GPATCH8: variants seen among roughly 807,000 people sequenced by gnomAD.
The protein encoded by GPATCH8 is G patch domain-containing protein 8.
In GPATCH8, 18 loss-of-function variants were observed where a neutral mutation model predicts 118.3. That is an observed-to-expected ratio of 0.15 (90% confidence interval 0.11 to 0.23). The LOEUF is 0.23. Ranked by LOEUF, GPATCH8 falls within the 10% of genes least tolerant of loss-of-function variation. GPATCH8 has a pLI of 1.00. For synonymous variants in GPATCH8, 659 were observed against 684.7 expected (o/e 0.96, Z 0.59); for missense variants, 1,631 against 1,873.8 (o/e 0.87, Z 2.39).
At position 44,400,438 on chromosome 17, in the gene GPATCH8, T is replaced by C. The variant is rs765739061; in HGVS notation, c.1639A>G (p.Thr547Ala). 5 of 1,614,208 alleles carry C rather than the reference T, an allele frequency of 3.1e-6. No individual in the cohort carries two copies. Among genetic ancestry groups the C allele is most frequent in the Middle Eastern group, 1.6e-4 (1 of 6,062 alleles). Residue 547 changes from threonine to alanine, a missense_variant, in exon 8 of 8, where the codon ACT becomes GCT. By Grantham distance (58) the Thr-to-Ala change is moderately conservative (BLOSUM62 0). Around this residue, in one of 8 missense-constraint regions of GPATCH8, gnomAD observed 405 missense variants for 462.7 expected, o/e 0.88. Coordinates refer to ENST00000591680, the MANE Select transcript of GPATCH8 (RefSeq NM_001002909.4). ...AGTTCTGATGGCCACTGGAGGGCAG[T>C]GCTTTCATCTTTGCTCAAAACTGGG... ...FFPVLSKDES[T>A]ALQWPSELLI... is the part of the protein sequence containing the mutation.
Position 44,398,090 on chromosome 17 carries a change from T to C in GPATCH8, c.3987A>G (p.Gln1329=), listed in dbSNP as rs752310268. ...KYSKLQQAAQ[Q]HIQQQLLAKQ... Reference sequence around the variant, plus strand: ...TGGCCAGAAGCTGCTGCTGGATGTGTTGCTGAGCAGCCTGCTGGAGCTTGC... The same window carrying C: ...TGGCCAGAAGCTGCTGCTGGATGTGCTGCTGAGCAGCCTGCTGGAGCTTGC... The change falls in exon 8 of 8, where the codon CAA becomes CAG. Residue 1329 remains glutamine, a synonymous_variant. Coordinates refer to ENST00000591680, the MANE Select transcript of GPATCH8 (RefSeq NM_001002909.4). 13 of 1,613,974 alleles carry C rather than the reference T, an allele frequency of 8.1e-6. No individual in the cohort carries two copies. In the Admixed American group the frequency reaches 1.3e-4, roughly 17 times the overall value.
At chr17:44,435,964 G>T (rs1273886275) in intron 4 of GPATCH8, among the ~76,000 whole-genome samples, 1 of 147,344 alleles carries the variant, frequency 6.8e-6, no homozygotes, top group East Asian at 2.0e-4. Context: ...GGGAGACGGA[G>T]GTTGCAGTGA....
intron 1 of GPATCH8, among the ~76,000 whole-genome samples, chr17:44,491,639 G>A (rs1162116876): frequency 2.0e-5 from 3 of 152,070 alleles, no homozygotes; most frequent in African/African-American, 7.2e-5. Flanking sequence ...CTAGAGGCAA[G>A]GAGTTCAAGA....
chr17:44,399,897 G>A lies in GPATCH8; in HGVS notation c.2180C>T (p.Ser727Phe), dbSNP rs1328637498. Residue 727 changes from serine to phenylalanine, a missense_variant, in exon 8 of 8, where the codon TCT (serine) becomes TTT (phenylalanine). By Grantham distance (155) the Ser-to-Phe change is radical. Transcript: ENST00000591680. ...KKNKSSAPAD[S>F]ERGPKPEPPG... ...GGGTTCTGGTTTGGGTCCTCGTTCA[G>A]AATCTGCTGGGGCTGATGACTTATT... is the stretch of plus-strand genomic sequence containing the variant. The A allele has an allele frequency of 6.2e-7, 1 of 1,613,936 alleles. No homozygotes were observed. Among genetic ancestry groups the A allele is most frequent in the Non-Finnish European group, 8.5e-7 (1 of 1,179,992 alleles).
chr17:44,429,226 C>T (rs116456884), intron 5 of GPATCH8, among the ~76,000 whole-genome samples: 1,862 of 152,162 alleles, frequency 0.012, 33 homozygotes, highest in African/African-American at 0.037. Flanking sequence ...GTAATATGCA[C>T]AACATATATC....
At chr17:44,450,386 T>C (rs570832128) in intron 3 of GPATCH8, among the ~76,000 whole-genome samples, 1 of 152,336 alleles carries the variant, frequency 6.6e-6, no homozygotes, top group East Asian at 1.9e-4. Flanking sequence ...CACCACTTGC[T>C]ATTGTCTCAC....
intron 1 of GPATCH8, among the ~76,000 whole-genome samples, chr17:44,499,517 A>G (rs1969905456): frequency 6.6e-6 from 1 of 152,228 alleles, no homozygotes; most frequent in Non-Finnish European, 1.5e-5. Context: ...CGGAACACGA[A>G]TCATCAGTCC....
At position 44,398,529 on chromosome 17, in the gene GPATCH8, C is replaced by T; in HGVS notation, c.3548G>A (p.Gly1183Glu). The T allele has an allele frequency of 6.3e-7, 1 of 1,593,710 alleles. No individual in the cohort carries two copies. The highest frequency in any genetic ancestry group is 8.5e-7 in the Non-Finnish European group (1 of 1,171,322). The change falls in exon 8 of 8, where the codon GGG becomes GAG. Residue 1183 changes from glycine (G) to glutamate (E), a missense_variant. Physicochemically the swap from Gly to Glu is moderately conservative, Grantham distance 98. Transcript: ENST00000591680. ...EQSETEEGPP[G>E]SSDALFGHQF... The stretch of plus-strand genomic sequence containing the variant: ...ATGCCCAAATAGGGCATCACTACTC[C>T]CTGGGGGCCCCTCTTCTGTCTCTGA...
At chr17:44,488,314 C>A (rs1307918024) in intron 1 of GPATCH8, among the ~76,000 whole-genome samples, 1 of 148,708 alleles carries the variant, frequency 6.7e-6, no homozygotes, top group African/African-American at 2.5e-5. Context: ...GCATCTTCTA[C>A]TTCCTGAGTA....
intron 5 of GPATCH8, among the ~76,000 whole-genome samples, chr17:44,430,115 T>G (rs2050252617): frequency 9.1e-6 from 1 of 109,430 alleles, no homozygotes; most frequent in African/African-American, 3.6e-5. Flanking sequence ...GCAATACATA[T>G]TTAGGATACA....
intron 7 of GPATCH8, among the ~76,000 whole-genome samples, chr17:44,403,179 G>T (rs2049091961): frequency 6.6e-6 from 1 of 152,060 alleles, no homozygotes; most frequent in African/African-American, 2.4e-5. Context: ...GGGTTCAAGT[G>T]ATTCTCCTCC....
chr17:44,497,906 T>A (rs1969785518), intron 1 of GPATCH8, among the ~76,000 whole-genome samples: 1 of 151,342 alleles, frequency 6.6e-6, no homozygotes, highest in Non-Finnish European at 1.5e-5. Flanking sequence ...ACAACTGTAC[T>A]CTAGCCTGGA....
intron 6 of GPATCH8, chr17:44,407,180 A>G (rs2049264896): frequency 1.3e-5 from 2 of 152,222 alleles, no homozygotes; most frequent in Admixed American, 6.5e-5. Context: ...CACACAAAAA[A>G]AGATATACAG....
At chr17:44,482,887 T>G (rs1968385727) in intron 1 of GPATCH8, among the ~76,000 whole-genome samples, 1 of 150,428 alleles carries the variant, frequency 6.6e-6, no homozygotes, top group Non-Finnish European at 1.5e-5. Context: ...CCGGGCGCGG[T>G]GGCTCACGCC....
At chr17:44,422,317 G>A (rs1033287773) in intron 6 of GPATCH8, among the ~76,000 whole-genome samples, 3 of 151,966 alleles carry the variant, frequency 2.0e-5, no homozygotes, top group African/African-American at 4.8e-5. Flanking sequence ...GAGTAGCTGC[G>A]ATTACACATG....
At chr17:44,465,095 AT>A (rs1189662315) in intron 2 of GPATCH8, 1 of 150,488 alleles carries the variant, frequency 6.6e-6, no homozygotes, top group African/African-American at 2.4e-5. Context: ...GTTTAAAAAA[AT>A]AATATATATA....
chr17:44,448,514 GGA>G (rs1555635262), intron 3 of GPATCH8, among the ~76,000 whole-genome samples: 2 of 102,278 alleles, frequency 2.0e-5, no homozygotes, highest in African/African-American at 7.6e-5. Flanking sequence ...GGGGGGGGGG[GGA>G]AGAAGGAGGA....
chr17:44,412,990 A>C (rs58828517), intron 6 of GPATCH8, among the ~76,000 whole-genome samples: 1,855 of 152,292 alleles, frequency 0.012, 32 homozygotes, highest in African/African-American at 0.037. Flanking sequence ...ACCCAAGAAG[A>C]TATCACCAGG....
chr17:44,414,110 T>C (rs2049568198), intron 6 of GPATCH8, among the ~76,000 whole-genome samples: 1 of 82,910 alleles, frequency 1.2e-5, no homozygotes, highest in Non-Finnish European at 2.6e-5. Context: ...TGTGTGTATA[T>C]ATATATGTAT....
Sources: gnomAD v4.1 joint callset for allele counts (sites outside exome capture counted in the v4.1 genomes callset) on GRCh38, gnomAD v4.1.1 for gene constraint, gnomAD v4.1.1 regional missense constraint, MANE v1.5 for transcripts, NCBI Gene and HGNC (gene_info 2026-07-23, HGNC 2026-07-21) for gene names.